ZFAT: variants seen among roughly 807,000 people sequenced by gnomAD.
ZFAT encodes the protein zinc finger and AT-hook domain containing, also known as zinc finger protein ZFAT.
Under a neutral mutation model 117.7 loss-of-function variants are expected in ZFAT, and 64 were observed. The observed-to-expected ratio is 0.54, with a 90% confidence interval of 0.44 to 0.67. The LOEUF (loss-of-function observed/expected upper bound fraction) is 0.67, where lower values mean the gene tolerates loss of function less well. Among genes scored for constraint, ZFAT ranks in the 30% least tolerant of loss-of-function variants. The probability of loss-of-function intolerance (pLI) is 0.00; values close to 1 mark genes in which losing one functional copy is unlikely to be tolerated. For missense variants in ZFAT, 1,433 were observed against 1,584.5 expected (o/e 0.90, Z 1.62); for synonymous variants, 679 against 615.0 (o/e 1.10, Z -1.54).
intron 1 of ZFAT, among the ~76,000 whole-genome samples, chr8:134,669,401 C>A (rs1457277161): frequency 6.6e-6 from 1 of 152,208 alleles, no homozygotes; most frequent in African/African-American, 2.4e-5. Context: ...AACAACGGAT[C>A]TCTCGGCGGA....
the ZFAT span, chr8:134,785,427 A>G: frequency 1.3e-5 from 2 of 152,048 alleles, no homozygotes; most frequent in African/African-American, 4.8e-5. Flanking sequence ...CACATCCAAC[A>G]ACTCCTTCCT....
the ZFAT span, among the ~76,000 whole-genome samples, chr8:134,811,850 T>C: frequency 6.6e-6 from 1 of 152,230 alleles, no homozygotes; most frequent in African/African-American, 2.4e-5. Flanking sequence ...CTATTTGCCA[T>C]CTGTTAAATG....
the ZFAT span, chr8:134,800,385 A>G: frequency 7.7e-6 from 3 of 391,714 alleles, no homozygotes. Context: ...CTAGACAATT[A>G]ACACACTTTT....
At chr8:134,521,080 T>C (rs2130470892) in intron 12 of ZFAT, 79 bp from the exon 13 acceptor site, 2 of 1,029,614 alleles carry the variant, frequency 1.9e-6, no homozygotes, top group East Asian at 5.1e-5. Context: ...CCTGTTCAAA[T>C]GCTTCAAATC....
Position 134,509,690 on chromosome 8 carries a change from C to T in ZFAT, c.3421G>A (p.Glu1141Lys), listed in dbSNP as rs765657075. ...GCAAGGGCAGTGGCGTCATGGGTCT[C>T]GGCGCCCAGCTCAATGATCTGCTGC... is the stretch of plus-strand genomic sequence containing the variant. ...ILQQIIELGA[E>K]THDATALASV... The change falls in exon 15 of 16, where the codon GAG becomes AAG. Residue 1141 changes from glutamate (E) to lysine (K), a missense_variant. By Grantham distance (56) the Glu-to-Lys change is moderately conservative. This residue lies in a region of ZFAT where 503 missense variants were observed against 543.4 expected (regional missense o/e 0.93). Transcript: ENST00000377838. 2.9e-5 allele frequency: 46 copies of T among 1,612,536 alleles called. 1 individual carries two copies. Among genetic ancestry groups the T allele is most frequent in the Middle Eastern group, 3.3e-4 (2 of 6,052 alleles).
the ZFAT span, among the ~76,000 whole-genome samples, chr8:134,743,922 G>C: frequency 6.6e-6 from 1 of 152,216 alleles, no homozygotes; most frequent in Non-Finnish European, 1.5e-5. Flanking sequence ...TTATTGCAAT[G>C]GCATAGAACA....
At chr8:134,690,050 G>A (rs908365725) in intron 1 of ZFAT, among the ~76,000 whole-genome samples, 1 of 152,170 alleles carries the variant, frequency 6.6e-6, no homozygotes, top group African/African-American at 2.4e-5. Flanking sequence ...TAAATTTTGT[G>A]TACTAAGTCT....
At chr8:134,625,459 C>G (rs1829435160) in intron 3 of ZFAT, among the ~76,000 whole-genome samples, 1 of 152,230 alleles carries the variant, frequency 6.6e-6, no homozygotes, top group African/African-American at 2.4e-5. Flanking sequence ...GGGCTACCTC[C>G]TCCTTCAAGA....
chr8:134,821,510 T>TG, the ZFAT span, among the ~76,000 whole-genome samples: 1 of 149,940 alleles, frequency 6.7e-6, no homozygotes, highest in Non-Finnish European at 1.5e-5. Flanking sequence ...GCGATATAGA[T>TG]GGGGAAAGGT....
chr8:134,670,881 G>C (rs1281646405), intron 1 of ZFAT, among the ~76,000 whole-genome samples: 1 of 152,078 alleles, frequency 6.6e-6, no homozygotes, highest in African/African-American at 2.4e-5. Context: ...AGAAAACAGA[G>C]AAGAATCAAA....
chr8:134,577,562 C>T (rs549281319), intron 10 of ZFAT, among the ~76,000 whole-genome samples: 1 of 152,316 alleles, frequency 6.6e-6, no homozygotes, highest in South Asian at 2.1e-4. Context: ...TATATCGCAA[C>T]CACTTCATGC....
chr8:134,647,419 C>A (rs888981226), intron 2 of ZFAT, among the ~76,000 whole-genome samples: 1 of 152,152 alleles, frequency 6.6e-6, no homozygotes, highest in Non-Finnish European at 1.5e-5. Flanking sequence ...CCAGAGCTAA[C>A]ATAATAATCA....
intron 1 of ZFAT, among the ~76,000 whole-genome samples, chr8:134,667,555 A>ATATATATC: frequency 6.8e-6 from 1 of 147,002 alleles, no homozygotes; most frequent in East Asian, 2.0e-4. Flanking sequence ...ACCAGGGCAC[A>ATATATATC]TATGTAACAA....
At chr8:134,556,042 AGG>A (rs1190309259) in intron 11 of ZFAT, among the ~76,000 whole-genome samples, 5 of 82,754 alleles carry the variant, frequency 6.0e-5, no homozygotes, top group African/African-American at 2.3e-4. Flanking sequence ...GAAGGAAGGA[AGG>A]AAGGAAGGAA....
intron 15 of ZFAT, among the ~76,000 whole-genome samples, chr8:134,481,458 G>C (rs1283523544): frequency 6.6e-6 from 1 of 152,186 alleles, no homozygotes; most frequent in East Asian, 1.9e-4. Context: ...CATAGTGACT[G>C]CCACCGAAGC....
chr8:134,800,117 C>T, the ZFAT span, among the ~76,000 whole-genome samples: 1 of 152,166 alleles, frequency 6.6e-6, no homozygotes, highest in African/African-American at 2.4e-5. Context: ...CACTGCAATA[C>T]TACAAACCCG....
At chr8:134,827,986 T>C in the ZFAT span, among the ~76,000 whole-genome samples, 2 of 152,156 alleles carry the variant, frequency 1.3e-5, no homozygotes, top group South Asian at 4.1e-4. Context: ...GCCTCACGTA[T>C]CTTGGCACAA....
intron 3 of ZFAT, among the ~76,000 whole-genome samples, chr8:134,616,753 CAG>C (rs1728609654): frequency 6.6e-6 from 1 of 152,170 alleles, no homozygotes; most frequent in South Asian, 2.1e-4. Context: ...CTGAGCAGCA[CAG>C]GGGCTGGTTA....
chr8:134,829,087 T>C, the ZFAT span, among the ~76,000 whole-genome samples: 5 of 152,196 alleles, frequency 3.3e-5, no homozygotes, highest in East Asian at 1.9e-4. Context: ...CTAAACTACC[T>C]TGGATGAGGT....
Sources: allele counts gnomAD v4.1 joint callset (sites outside exome capture counted in the v4.1 genomes callset), GRCh38; gene constraint gnomAD v4.1.1; regional missense constraint gnomAD v4.1.1; transcripts MANE v1.5; gene names NCBI Gene and HGNC (gene_info 2026-07-23, HGNC 2026-07-21).